Variants in OPCML observed in about 807,000 individuals in gnomAD.
OPCML encodes opioid-binding protein/cell adhesion molecule.
Under a neutral mutation model 37.8 loss-of-function variants are expected in OPCML, and 13 were observed. That is an observed-to-expected ratio of 0.34 (90% CI 0.22 to 0.55). The LOEUF (loss-of-function observed/expected upper bound fraction) is 0.55, where lower values mean the gene tolerates loss of function less well. OPCML is among the 20% of genes least tolerant of loss of function. The probability of loss-of-function intolerance (pLI) is 0.91; values close to 1 mark genes in which losing one functional copy is unlikely to be tolerated. For missense variants in OPCML, 341 were observed against 435.6 expected (o/e 0.78, Z 1.93); for synonymous variants, 176 against 168.8 (o/e 1.04, Z -0.33).
chr11:132,632,693 A>G (rs1478949679), intron 3 of OPCML, among the ~76,000 whole-genome samples: 1 of 151,358 alleles, frequency 6.6e-6, no homozygotes, highest in African/African-American at 2.4e-5. Flanking sequence ...CGAGGTAATC[A>G]CTCTCTCTTT....
intron 2 of OPCML, among the ~76,000 whole-genome samples, chr11:132,919,404 A>T (rs1484369763): frequency 6.6e-6 from 1 of 152,140 alleles, no homozygotes; most frequent in Admixed American, 6.5e-5. Context: ...GGTCCAGATG[A>T]CCCTGACCCA....
At chr11:132,707,365 C>T (rs1015531401) in intron 2 of OPCML, among the ~76,000 whole-genome samples, 6 of 152,140 alleles carry the variant, frequency 3.9e-5, no homozygotes, top group African/African-American at 1.4e-4. Flanking sequence ...GATATTATTG[C>T]TCTAAGCAGA....
intron 2 of OPCML, among the ~76,000 whole-genome samples, chr11:132,891,973 TTC>T (rs72458841): frequency 0.69 from 104,595 of 151,952 alleles, 36,598 homozygotes; most frequent in African/African-American, 0.81. Flanking sequence ...CCACCCTTGC[TTC>T]TCTCCTCAAG....
At chr11:133,210,328 T>G (rs1349117827) in intron 1 of OPCML, among the ~76,000 whole-genome samples, 1 of 152,082 alleles carries the variant, frequency 6.6e-6, no homozygotes, top group Admixed American at 6.6e-5. Flanking sequence ...ATGGACATGA[T>G]AATAAAGAAA....
intron 2 of OPCML, among the ~76,000 whole-genome samples, chr11:132,733,126 C>T (rs1017413969): frequency 2.6e-5 from 4 of 151,862 alleles, no homozygotes; most frequent in East Asian, 3.9e-4. Flanking sequence ...AAAATCATCA[C>T]GAAGATGAAA....
chr11:132,855,790 T>C (rs1786356805), intron 2 of OPCML, among the ~76,000 whole-genome samples: 1 of 152,228 alleles, frequency 6.6e-6, no homozygotes, highest in African/African-American at 2.4e-5. Context: ...ATTTGCTTTA[T>C]GCTGTTGTGT....
intron 2 of OPCML, among the ~76,000 whole-genome samples, chr11:132,869,722 T>G (rs1942721648): frequency 6.6e-6 from 1 of 152,176 alleles, no homozygotes; most frequent in Non-Finnish European, 1.5e-5. Context: ...ACAAAACTGT[T>G]TTAGCTAATT....
intron 5 of OPCML, 148 bp downstream of exon 5, chr11:132,437,074 G>C: frequency 7.4e-7 from 1 of 1,357,216 alleles, no homozygotes; most frequent in Non-Finnish European, 1.0e-6. Flanking sequence ...ATGGCACGGA[G>C]GCCATGGTGG....
chr11:132,806,885 C>A (rs1416887083), intron 2 of OPCML, among the ~76,000 whole-genome samples: 1 of 152,002 alleles, frequency 6.6e-6, no homozygotes. Flanking sequence ...CAATTTAAAG[C>A]CTGAATTGGA....
At chr11:133,153,256 G>A (rs1950012609) in intron 1 of OPCML, among the ~76,000 whole-genome samples, 2 of 152,202 alleles carry the variant, frequency 1.3e-5, no homozygotes, top group Admixed American at 6.5e-5. Context: ...GTGGAAGTCC[G>A]TTTCCTGTCA....
chr11:132,562,513 G>T (rs2096412784), intron 3 of OPCML, among the ~76,000 whole-genome samples: 1 of 152,104 alleles, frequency 6.6e-6, no homozygotes, highest in African/African-American at 2.4e-5. Flanking sequence ...CTCTGGGTTA[G>T]AATTATAAAG....
chr11:133,081,152 C>T (rs1236114300), intron 1 of OPCML, among the ~76,000 whole-genome samples: 1 of 152,194 alleles, frequency 6.6e-6, no homozygotes, highest in Non-Finnish European at 1.5e-5. Context: ...TTCAGGGTGA[C>T]AGGCGCATCT....
intron 1 of OPCML, among the ~76,000 whole-genome samples, chr11:132,984,887 G>T (rs574459377): frequency 6.6e-6 from 1 of 152,146 alleles, no homozygotes; most frequent in South Asian, 2.1e-4. Flanking sequence ...GGAGTTACGC[G>T]TGGTGTATCC....
chr11:133,468,724 G>C (rs372902247), intron 1 of OPCML, among the ~76,000 whole-genome samples: 4 of 152,144 alleles, frequency 2.6e-5, no homozygotes, highest in African/African-American at 9.7e-5. Flanking sequence ...TTTGACAAGC[G>C]TTCAAGAGCT....
At position 133,141,051 on chromosome 11, in the gene OPCML, A is replaced by C. The variant is rs201705519; in HGVS notation, c.62-198041T>G. Among the ~76,000 whole-genome samples, 15 of 53,702 alleles carry C rather than the reference A, an allele frequency of 2.8e-4. 2 individuals are homozygous for C. The highest frequency in any genetic ancestry group is 5.5e-4 in the African/African-American group (10 of 18,332). The allele number at this position is 53,702 out of a possible 152,430, so 35.2% of individuals were successfully genotyped here. On this transcript the variant is annotated intron_variant, in intron 1 of 7. Transcript: ENST00000524381. ...ACGACGACGACGACGACGACGACGA[A>C]GAAGAAGAAGAAGAAGAAGAAGAAG...
chr11:133,227,929 C>T (rs1018881090), intron 1 of OPCML, among the ~76,000 whole-genome samples: 1 of 152,196 alleles, frequency 6.6e-6, no homozygotes, highest in African/African-American at 2.4e-5. Context: ...TGGCCCAGAG[C>T]GCGACATGAC....
chr11:133,154,291 C>T (rs1470192822), intron 1 of OPCML, among the ~76,000 whole-genome samples: 2 of 151,718 alleles, frequency 1.3e-5, no homozygotes, highest in African/African-American at 4.8e-5. Context: ...CAAAAAGCCA[C>T]AAAATGAGGG....
chr11:133,427,916 C>G (rs1946036056), intron 1 of OPCML, among the ~76,000 whole-genome samples: 2 of 152,140 alleles, frequency 1.3e-5, no homozygotes, highest in African/African-American at 4.8e-5. Context: ...CACGATTATA[C>G]TCACATCCTG....
At chr11:133,007,027 G>A in intron 1 of OPCML, 1 of 985,438 alleles carries the variant, frequency 1.0e-6, no homozygotes, top group Non-Finnish European at 1.2e-6. Flanking sequence ...AAACAGGAGA[G>A]AGGAAAGGCA....
Sources: gnomAD v4.1 joint callset for allele counts (sites outside exome capture counted in the v4.1 genomes callset) on GRCh38, gnomAD v4.1.1 for gene constraint, MANE v1.5 for transcripts, NCBI Gene and HGNC (gene_info 2026-07-23, HGNC 2026-07-21) for gene names.